The following PAPOLA variants were observed in gnomAD, a reference collection of about 807,000 sequenced individuals.
PAPOLA encodes the protein poly(A) polymerase alpha, also known as polynucleotide adenylyltransferase alpha.
A neutral mutation model predicts 100.6 loss-of-function variants in PAPOLA; 15 were observed. The observed-to-expected ratio is 0.15, with a 90% CI of 0.10 to 0.23. The LOEUF (loss-of-function observed/expected upper bound fraction) is 0.23, where lower values mean the gene tolerates loss of function less well. PAPOLA is among the 10% of genes least tolerant of loss of function. The pLI is 1.00. For missense variants in PAPOLA, 533 were observed against 884.2 expected, an observed-to-expected ratio of 0.60 and a Z score of 5.04; for synonymous variants, 293 against 300.0, an observed-to-expected ratio of 0.98 and a Z score of 0.24.
intron 6 of PAPOLA, among the ~76,000 whole-genome samples, chr14:96,529,744 A>AC (rs1898826668): frequency 6.6e-6 from 1 of 152,038 alleles, no homozygotes; most frequent in South Asian, 2.1e-4. Context: ...AAACAAACAA[A>AC]AAAAAAGTGA....
chr14:96,530,890 C>A (rs1174286633), intron 6 of PAPOLA, among the ~76,000 whole-genome samples: 1 of 152,126 alleles, frequency 6.6e-6, no homozygotes, highest in Non-Finnish European at 1.5e-5. Context: ...TTTTGACTTA[C>A]CGCAACCTCC....
chr14:96,527,919 T>C (rs781453983), intron 5 of PAPOLA, 34 bp from the exon 6 acceptor site: 2 of 1,506,626 alleles, frequency 1.3e-6, no homozygotes, highest in South Asian at 2.2e-5. Flanking sequence ...AAATGTAGTT[T>C]CAGAGACCCT....
At position 96,536,601 on chromosome 14, in the gene PAPOLA, C is replaced by G. The variant is rs78417558; in HGVS notation, c.1031-375C>G. Among the ~76,000 whole-genome samples, 382 of 151,928 alleles carry G rather than the reference C, an allele frequency of 2.5e-3. 14 individuals are homozygous for G. The East Asian group carries it at 0.068, about 27-fold the overall frequency. The stretch of plus-strand genomic sequence containing the variant: ...AGTTTCATCTTTAGTCTAAAGAGGC[C>G]CATCAAGGGAAGATGCCTCTATCCC... On this transcript the variant is annotated intron_variant, in intron 11 of 21. Coordinates refer to ENST00000216277, the MANE Select transcript of PAPOLA (RefSeq NM_032632.5).
chr14:96,523,219 A>G (rs1898152113), intron 3 of PAPOLA, among the ~76,000 whole-genome samples: 1 of 152,202 alleles, frequency 6.6e-6, no homozygotes, highest in African/African-American at 2.4e-5. Context: ...TTTTTCCATG[A>G]CCTGAATTAA....
chr14:96,541,286 A>G (rs1365019098), intron 12 of PAPOLA, among the ~76,000 whole-genome samples: 1 of 152,216 alleles, frequency 6.6e-6, no homozygotes, highest in Non-Finnish European at 1.5e-5. Flanking sequence ...ATACTTATAA[A>G]ATGTGTTAGA....
At chr14:96,551,324 A>G (rs1245243569) in intron 16 of PAPOLA, among the ~76,000 whole-genome samples, 1 of 152,200 alleles carries the variant, frequency 6.6e-6, no homozygotes, top group Non-Finnish European at 1.5e-5. Context: ...CCTCATATCT[A>G]GTGGAGAGTA....
At chr14:96,563,016 C>CT in intron 21 of PAPOLA, 123 bp downstream of exon 21, 2 of 608,306 alleles carry the variant, frequency 3.3e-6, no homozygotes, top group Non-Finnish European at 5.7e-6. Flanking sequence ...TAATTACTTG[C>CT]TAGCCTATAA....
chr14:96,534,709 A>T (rs1162014720), intron 10 of PAPOLA, 146 bp downstream of exon 10: 8 of 1,466,198 alleles, frequency 5.5e-6, no homozygotes, highest in Non-Finnish European at 5.4e-6. Context: ...CCTCAACTAT[A>T]ATTGTCCTCA....
At chr14:96,516,347 C>T (rs1000449639) in intron 1 of PAPOLA, among the ~76,000 whole-genome samples, 7 of 151,276 alleles carry the variant, frequency 4.6e-5, no homozygotes, top group South Asian at 4.2e-4. Flanking sequence ...CCTTCCCTTT[C>T]CTTCCCCTCC....
At chr14:96,511,491 A>G (rs1897107040) in intron 1 of PAPOLA, among the ~76,000 whole-genome samples, 1 of 152,240 alleles carries the variant, frequency 6.6e-6, no homozygotes, top group African/African-American at 2.4e-5. Context: ...TTTGTGTGTT[A>G]GTCGTCTGCC....
intron 16 of PAPOLA, among the ~76,000 whole-genome samples, chr14:96,549,895 G>A (rs1479269902): frequency 1.3e-5 from 2 of 152,162 alleles, no homozygotes; most frequent in East Asian, 1.9e-4. Context: ...GCTCATGCTT[G>A]TAATCCCAGT....
intron 19 of PAPOLA, among the ~76,000 whole-genome samples, chr14:96,557,765 A>G (rs997179481): frequency 1.3e-5 from 2 of 150,010 alleles, no homozygotes; most frequent in African/African-American, 2.4e-5. Flanking sequence ...TTTTTTGGAA[A>G]TAGCTGCTAT....
intron 1 of PAPOLA, among the ~76,000 whole-genome samples, chr14:96,514,889 C>T (rs960178447): frequency 1.3e-5 from 2 of 152,154 alleles, no homozygotes; most frequent in Admixed American, 6.5e-5. Context: ...AGTAATACGA[C>T]GAGTAGCAGA....
intron 9 of PAPOLA, 191 bp downstream of exon 9, chr14:96,532,840 G>A: frequency 1.5e-6 from 2 of 1,323,002 alleles, no homozygotes; most frequent in South Asian, 2.2e-5. Flanking sequence ...GTTTGGCCAG[G>A]ATAGTAAGGC....
At chr14:96,552,678 A>G in intron 17 of PAPOLA, 56 bp downstream of exon 17, 1 of 1,473,044 alleles carries the variant, frequency 6.8e-7, no homozygotes, top group Non-Finnish European at 9.3e-7. Context: ...TCAATCAGAT[A>G]CATTCTCTTT....
intron 1 of PAPOLA, among the ~76,000 whole-genome samples, chr14:96,515,598 C>T (rs1897396463): frequency 1.3e-5 from 2 of 152,142 alleles, no homozygotes; most frequent in South Asian, 4.1e-4. Flanking sequence ...AGAGAGCTTG[C>T]TAGATGGCTG....
At chr14:96,528,823 G>T (rs1898736362) in intron 6 of PAPOLA, among the ~76,000 whole-genome samples, 1 of 152,170 alleles carries the variant, frequency 6.6e-6, no homozygotes, top group Non-Finnish European at 1.5e-5. Context: ...TTTATGAAAA[G>T]TCAAGTGACT....
At chr14:96,541,537 A>C (rs1379738631) in intron 12 of PAPOLA, among the ~76,000 whole-genome samples, 1 of 152,168 alleles carries the variant, frequency 6.6e-6, no homozygotes, top group East Asian at 1.9e-4. Context: ...AGTTGTAAAT[A>C]GTTTGTTTTA....
At chr14:96,520,980 T>G (rs775599670) in intron 2 of PAPOLA, 26 bp from the exon 3 acceptor site, 20 of 1,032,506 alleles carry the variant, frequency 1.9e-5, no homozygotes, top group Non-Finnish European at 3.1e-5. Context: ...TCTGGAATAC[T>G]TGATTGATAA....
Sources: allele counts gnomAD v4.1 joint callset (sites outside exome capture counted in the v4.1 genomes callset), GRCh38; gene constraint gnomAD v4.1.1; transcripts MANE v1.5; gene names NCBI Gene and HGNC (gene_info 2026-07-23, HGNC 2026-07-21).